MGAT4C: variants seen among roughly 807,000 people sequenced by gnomAD.
The protein encoded by MGAT4C is alpha-1,3-mannosyl-glycoprotein 4-beta-N-acetylglucosaminyltransferase C.
In MGAT4C, 19 loss-of-function variants were observed where a neutral mutation model predicts 40.1. The observed-to-expected ratio is 0.47, with a 90% CI of 0.33 to 0.70. The LOEUF (loss-of-function observed/expected upper bound fraction) is 0.70, where lower values mean the gene tolerates loss of function less well. Among genes scored for constraint, MGAT4C ranks in the 30% least tolerant of loss-of-function variants. MGAT4C has a pLI of 0.02. For synonymous variants in MGAT4C, 181 were observed against 187.1 expected, an observed-to-expected ratio of 0.97 and a Z score of 0.27; for missense variants, 491 against 563.2, an observed-to-expected ratio of 0.87 and a Z score of 1.30.
chr12:86,001,351 GA>G (rs1887274234), intron 2 of MGAT4C: 1 of 152,298 alleles, frequency 6.6e-6, no homozygotes, highest in South Asian at 2.1e-4. Flanking sequence ...GTAGACCCTT[GA>G]AATCCCTTGA....
intron 2 of MGAT4C, among the ~76,000 whole-genome samples, chr12:86,616,441 C>G (rs1378884206): frequency 6.6e-6 from 1 of 151,714 alleles, no homozygotes. Flanking sequence ...AAATTAAAAC[C>G]CTTGTAAGAA....
At chr12:86,402,220 GGATCCCTT>G (rs1362032865) in intron 3 of MGAT4C, among the ~76,000 whole-genome samples, 3 of 151,896 alleles carry the variant, frequency 2.0e-5, no homozygotes, top group Admixed American at 6.6e-5. Context: ...CGAGGCAGGC[GGATCCCTT>G]GAGGTCAGGA....
intron 1 of MGAT4C, among the ~76,000 whole-genome samples, chr12:86,229,893 T>C (rs145803000): frequency 1.3e-5 from 2 of 152,062 alleles, no homozygotes; most frequent in African/African-American, 4.8e-5. Context: ...CCTTTCAGTA[T>C]GAGCAACATG....
intron 1 of MGAT4C, among the ~76,000 whole-genome samples, chr12:86,066,351 C>T (rs1894541150): frequency 6.6e-6 from 1 of 151,822 alleles, no homozygotes; most frequent in Non-Finnish European, 1.5e-5. Context: ...TGTACTGCTA[C>T]CAAAACAGAT....
intron 3 of MGAT4C, among the ~76,000 whole-genome samples, chr12:86,356,895 G>A (rs1955326686): frequency 6.6e-6 from 1 of 152,196 alleles, no homozygotes; most frequent in South Asian, 2.1e-4. Context: ...ACCTCTGGGG[G>A]CAGGGCATGG....
intron 1 of MGAT4C, among the ~76,000 whole-genome samples, chr12:86,174,058 T>C (rs1887132688): frequency 6.6e-6 from 1 of 151,618 alleles, no homozygotes; most frequent in Non-Finnish European, 1.5e-5. Context: ...CCAAATGCCA[T>C]GATCTGTGCT....
chr12:86,162,156 T>C (rs1445899709), intron 1 of MGAT4C, among the ~76,000 whole-genome samples: 1 of 152,064 alleles, frequency 6.6e-6, no homozygotes, highest in African/African-American at 2.4e-5. Context: ...GTATACTCAA[T>C]GGGAAATAAA....
intron 1 of MGAT4C, among the ~76,000 whole-genome samples, chr12:86,227,273 C>T (rs1008384388): frequency 9.9e-5 from 15 of 151,738 alleles, no homozygotes; most frequent in Non-Finnish European, 2.1e-4. Flanking sequence ...ATGCAGTGGC[C>T]CAGCATCGAA....
intron 1 of MGAT4C, among the ~76,000 whole-genome samples, chr12:86,769,379 G>A (rs1951585284): frequency 6.6e-6 from 1 of 151,960 alleles, no homozygotes; most frequent in South Asian, 2.1e-4. Context: ...GTGCTGGAGA[G>A]GATGTGGAGA....
chr12:86,760,926 C>A lies in MGAT4C; in HGVS notation c.-261-33685G>T, dbSNP rs542201553. Among the ~76,000 whole-genome samples, 216 of 152,244 alleles carry A rather than the reference C, an allele frequency of 1.4e-3. 1 individual carries two copies. The highest frequency in any genetic ancestry group is 5.1e-3 in the African/African-American group (210 of 41,546). On this transcript the variant is annotated intron_variant, in intron 1 of 7. Coordinates refer to the MGAT4C transcript ENST00000548651. ...TGTACTGATAACATATCAGTGATCA[C>A]ATTGTGGCAAGATTTGTAGGAAGAG...
chr12:86,220,968 A>C (rs1193702222), intron 1 of MGAT4C, among the ~76,000 whole-genome samples: 1 of 152,182 alleles, frequency 6.6e-6, no homozygotes, highest in Non-Finnish European at 1.5e-5. Context: ...GATGCCCAAC[A>C]AACCTATTTA....
At chr12:86,243,648 T>C (rs556468534) in intron 1 of MGAT4C, among the ~76,000 whole-genome samples, 1 of 152,122 alleles carries the variant, frequency 6.6e-6, no homozygotes, top group Non-Finnish European at 1.5e-5. Context: ...GAGGGTGGTA[T>C]CCTACTGATG....
intron 2 of MGAT4C, among the ~76,000 whole-genome samples, chr12:86,712,366 C>T (rs1950572121): frequency 6.6e-6 from 1 of 151,984 alleles, no homozygotes; most frequent in Non-Finnish European, 1.5e-5. Flanking sequence ...GTTCTCGATC[C>T]ATGAATAACA....
At chr12:86,707,083 C>A (rs966894435) in intron 2 of MGAT4C, among the ~76,000 whole-genome samples, 3 of 152,132 alleles carry the variant, frequency 2.0e-5, no homozygotes, top group African/African-American at 7.2e-5. Flanking sequence ...TCCTTTAAAC[C>A]TCTCTCCTTT....
In MGAT4C at chr12:86,236,830, G is replaced by A. The variant is rs527794034; in HGVS notation, c.-57+19409C>T. On this transcript the variant is annotated intron_variant, in intron 1 of 4. Transcript: ENST00000611864. ...TATGAGCAAAATATTCTGCAGCCAT[G>A]AGACTAAAAAGCAGAGTTATCTAAT... Among the ~76,000 whole-genome samples the A allele has an allele frequency of 4.7e-4, 72 of 152,022 alleles. 1 individual carries two copies. In the South Asian group the frequency reaches 0.014, roughly 31 times the overall value.
At chr12:86,405,912 T>C (rs564691118) in intron 3 of MGAT4C, among the ~76,000 whole-genome samples, 1,019 of 31,498 alleles carry the variant, frequency 0.032, 19 homozygotes, top group African/African-American at 0.16. Context: ...ATAGGTAATA[T>C]GTATGTATTT....
intron 2 of MGAT4C, among the ~76,000 whole-genome samples, chr12:86,550,969 G>A (rs970317583): frequency 3.3e-5 from 5 of 152,184 alleles, no homozygotes; most frequent in Admixed American, 2.6e-4. Context: ...GGAAACAGCC[G>A]TGCCTGTGGG....
rs1884031601 is a variant in MGAT4C, at chr12:85,976,937, G to C, written c.*2352C>G. 6.6e-6 allele frequency: 1 copy of C among 151,034 alleles called. No homozygotes were observed. The highest frequency in any genetic ancestry group is 1.5e-5 in the Non-Finnish European group (1 of 67,232). 9.4% of individuals were successfully genotyped at this position (151,034 alleles called of 1,614,324 possible). ...GACCTCTAATGAAGATGCTTTATTTGTCAAGGTGTTTTCCTTAGAAAATTG... is the reference window on the plus strand; with the variant it reads ...GACCTCTAATGAAGATGCTTTATTTCTCAAGGTGTTTTCCTTAGAAAATTG... On this transcript the variant is annotated 3_prime_UTR_variant, in exon 5 of 5. Coordinates refer to ENST00000611864, the MANE Select transcript of MGAT4C (RefSeq NM_001351288.2).
At chr12:86,769,026 A>C (rs1230038626) in intron 1 of MGAT4C, among the ~76,000 whole-genome samples, 1 of 151,610 alleles carries the variant, frequency 6.6e-6, no homozygotes, top group African/African-American at 2.4e-5. Flanking sequence ...ATGGGATCTA[A>C]TTAAACGAAA....
Sources: gnomAD v4.1 joint callset for allele counts (sites outside exome capture counted in the v4.1 genomes callset) on GRCh38, gnomAD v4.1.1 for gene constraint, MANE v1.5 for transcripts, NCBI Gene and HGNC (gene_info 2026-07-23, HGNC 2026-07-21) for gene names.